RAPGEF4: variants seen among roughly 807,000 people sequenced by gnomAD.
RAPGEF4 encodes RAP guanine-nucleotide-exchange factor (GEF) 4.
RAPGEF4 carries 66 observed loss-of-function variants against 147.9 expected under a neutral mutation model. That is an observed-to-expected ratio of 0.45 (90% CI 0.37 to 0.55). RAPGEF4 has a LOEUF of 0.55. Among genes scored for constraint, RAPGEF4 ranks in the 20% least tolerant of loss-of-function variants. RAPGEF4 has a pLI of 0.00. For missense variants in RAPGEF4, 1,071 were observed against 1,257.3 expected, an observed-to-expected ratio of 0.85 and a Z score of 2.24; for synonymous variants, 419 against 442.7, an observed-to-expected ratio of 0.95 and a Z score of 0.67.
chr2:172,942,576 A>T (rs1398261427), intron 6 of RAPGEF4, among the ~76,000 whole-genome samples: 2 of 151,748 alleles, frequency 1.3e-5, no homozygotes, highest in Admixed American at 6.6e-5. Flanking sequence ...GGTAAAAAAA[A>T]AAAAAAAAAA....
chr2:172,903,356 G>A (rs1171570674), intron 4 of RAPGEF4, among the ~76,000 whole-genome samples: 1 of 119,964 alleles, frequency 8.3e-6, no homozygotes, highest in Admixed American at 9.8e-5. Flanking sequence ...GGGACAGAGT[G>A]AGACTCCATC....
intron 1 of RAPGEF4, among the ~76,000 whole-genome samples, chr2:172,790,736 T>G (rs1390967029): frequency 6.6e-6 from 1 of 152,200 alleles, no homozygotes; most frequent in East Asian, 1.9e-4. Context: ...TTCAGATTCA[T>G]GTCTCAACAT....
At chr2:172,941,229 C>T (rs1687113811) in intron 6 of RAPGEF4, among the ~76,000 whole-genome samples, 1 of 151,994 alleles carries the variant, frequency 6.6e-6, no homozygotes, top group South Asian at 2.1e-4. Flanking sequence ...GTAGGACTTC[C>T]GGTATGATAG....
At chr2:172,896,322 A>G (rs1295276275) in intron 4 of RAPGEF4, among the ~76,000 whole-genome samples, 1 of 152,206 alleles carries the variant, frequency 6.6e-6, no homozygotes, top group South Asian at 2.1e-4. Flanking sequence ...GAGATAAGAT[A>G]ATTTTCAGGA....
At chr2:172,984,662 C>T (rs534943323) in intron 11 of RAPGEF4, among the ~76,000 whole-genome samples, 75 of 152,258 alleles carry the variant, frequency 4.9e-4, no homozygotes, top group African/African-American at 1.7e-3. Context: ...GGGAAGCCCT[C>T]ATATATACAG....
intron 17 of RAPGEF4, among the ~76,000 whole-genome samples, chr2:173,010,602 C>G (rs2105863818): frequency 6.6e-6 from 1 of 152,280 alleles, no homozygotes; most frequent in Non-Finnish European, 1.5e-5. Context: ...ATTCTTTATT[C>G]CTTGGCTGCT....
At chr2:172,957,850 C>A (rs1014250143) in intron 6 of RAPGEF4, among the ~76,000 whole-genome samples, 1 of 152,144 alleles carries the variant, frequency 6.6e-6, no homozygotes. Flanking sequence ...AGTTGCAAAT[C>A]AAAGAAAAAG....
At chr2:172,833,867 A>G (rs1690640949) in intron 4 of RAPGEF4, among the ~76,000 whole-genome samples, 2 of 152,192 alleles carry the variant, frequency 1.3e-5, no homozygotes, top group Admixed American at 6.5e-5. Flanking sequence ...CTAAGGACAT[A>G]CAGTATCACT....
chr2:172,838,249 T>A (rs1471159028), intron 4 of RAPGEF4, among the ~76,000 whole-genome samples: 1 of 152,110 alleles, frequency 6.6e-6, no homozygotes, highest in Non-Finnish European at 1.5e-5. Context: ...TATCATGACG[T>A]GAAAGAATAT....
At chr2:173,008,312 AT>A (rs1694693545) in intron 17 of RAPGEF4, among the ~76,000 whole-genome samples, 1 of 152,196 alleles carries the variant, frequency 6.6e-6, no homozygotes, top group Non-Finnish European at 1.5e-5. Flanking sequence ...GGACTAATAC[AT>A]TATACTTGCC....
At chr2:173,000,746 C>CTTTTTTTT (rs869055162) in intron 16 of RAPGEF4, among the ~76,000 whole-genome samples, 3 of 72,788 alleles carry the variant, frequency 4.1e-5, no homozygotes, top group African/African-American at 8.2e-5. Context: ...TCTTTTCTTT[C>CTTTTTTTT]TTTCTTTTTT....
intron 4 of RAPGEF4, 147 bp from the exon 5 acceptor site, chr2:172,917,655 G>C: frequency 1.4e-6 from 1 of 709,546 alleles, no homozygotes; most frequent in Non-Finnish European, 2.5e-6. Context: ...TCAGACCAGA[G>C]ACCCCGGAGA....
intron 3 of RAPGEF4, among the ~76,000 whole-genome samples, chr2:172,809,118 T>C (rs745593390): frequency 6.6e-6 from 1 of 151,886 alleles, no homozygotes; most frequent in Non-Finnish European, 1.5e-5. Flanking sequence ...AGGTGGGAAA[T>C]ATCTCGAGGG....
intron 10 of RAPGEF4, among the ~76,000 whole-genome samples, chr2:172,970,759 G>A (rs116415005): frequency 0.011 from 1,653 of 152,122 alleles, 37 homozygotes; most frequent in African/African-American, 0.038. Flanking sequence ...AAACAGAATA[G>A]AGCTTCAGGG....
At chr2:172,988,928 A>G in intron 14 of RAPGEF4, 89 bp downstream of exon 14, 2 of 1,417,450 alleles carry the variant, frequency 1.4e-6, no homozygotes, top group Non-Finnish European at 1.9e-6. Context: ...TTAATTGAGT[A>G]GTCCTGTGAT....
intron 29 of RAPGEF4, among the ~76,000 whole-genome samples, chr2:173,044,443 ACTT>A (rs1024926509): frequency 2.6e-5 from 4 of 152,058 alleles, no homozygotes; most frequent in Non-Finnish European, 5.9e-5. Flanking sequence ...AAGGACATCT[ACTT>A]CTGTGCCCCT....
In RAPGEF4 at chr2:172,762,109, C is replaced by T. The variant is rs77567643; in HGVS notation, c.65+26061C>T. Among the ~76,000 whole-genome samples the T allele has an allele frequency of 4.6e-3, 693 of 152,264 alleles. 11 individuals are homozygous for T. Among genetic ancestry groups the T allele is most frequent in the Admixed American group, 0.031 (480 of 15,300 alleles). On this transcript the variant is annotated intron_variant, in intron 1 of 30. Coordinates refer to ENST00000397081, the MANE Select transcript of RAPGEF4 (RefSeq NM_007023.4). Reference sequence around the variant, plus strand: ...GGCACTCCAGCCATGAGTGAGACTCCGTCTCAAACAAACAAACAAACAAAA... The same window carrying T: ...GGCACTCCAGCCATGAGTGAGACTCTGTCTCAAACAAACAAACAAACAAAA...
chr2:173,046,471 G>A (rs547019607), intron 29 of RAPGEF4, among the ~76,000 whole-genome samples: 1 of 152,140 alleles, frequency 6.6e-6, no homozygotes, highest in Non-Finnish European at 1.5e-5. Flanking sequence ...CTTCAGAGGG[G>A]CATACTGGCA....
At chr2:173,007,197 A>G (rs1694568058) in intron 17 of RAPGEF4, among the ~76,000 whole-genome samples, 1 of 152,250 alleles carries the variant, frequency 6.6e-6, no homozygotes, top group Non-Finnish European at 1.5e-5. Flanking sequence ...GCATTAGGGC[A>G]CGTCCTAACT....
Sources: gnomAD v4.1 joint callset for allele counts (sites outside exome capture counted in the v4.1 genomes callset) on GRCh38, gnomAD v4.1.1 for gene constraint, MANE v1.5 for transcripts, NCBI Gene and HGNC (gene_info 2026-07-23, HGNC 2026-07-21) for gene names.